The following CD55 variants were observed in gnomAD, a reference collection of about 807,000 sequenced individuals.
CD55 encodes complement decay-accelerating factor.
In CD55, 41 loss-of-function variants were observed where a neutral mutation model predicts 45.8. The observed-to-expected ratio is 0.90, with a 90% CI of 0.70 to 1.16. The LOEUF is 1.16. CD55 is among the 50% of genes most tolerant of loss of function. The pLI, the probability that CD55 is intolerant of heterozygous loss-of-function variation, is 0.00. For synonymous variants in CD55, 181 were observed against 181.1 expected, an observed-to-expected ratio of 1.00 and a Z score of 0.01; for missense variants, 416 against 469.8, an observed-to-expected ratio of 0.89 and a Z score of 1.06.
At chr1:207,335,991 G>A (rs2102405535) in intron 6 of CD55, among the ~76,000 whole-genome samples, 1 of 152,272 alleles carries the variant, frequency 6.6e-6, no homozygotes, top group Middle Eastern at 3.4e-3. Context: ...TCAGGCTTCG[G>A]CACTACCCAA....
chr1:207,349,724 G>A (rs982851517), intron 9 of CD55, among the ~76,000 whole-genome samples: 5 of 152,252 alleles, frequency 3.3e-5, no homozygotes, highest in Admixed American at 1.3e-4. Flanking sequence ...TTTGTACCCC[G>A]AAGCTTTACT....
chr1:207,346,870 A>T (rs1558155340), intron 9 of CD55, among the ~76,000 whole-genome samples: 1 of 152,094 alleles, frequency 6.6e-6, no homozygotes. Flanking sequence ...CCTATGTTAG[A>T]TCTAGAGCCT....
At chr1:207,341,545 A>T (rs892603394) in intron 9 of CD55, among the ~76,000 whole-genome samples, 43 of 152,282 alleles carry the variant, frequency 2.8e-4, no homozygotes, top group African/African-American at 9.9e-4. Flanking sequence ...GCACCTTTGT[A>T]AAAAAATCAG....
intron 8 of CD55, among the ~76,000 whole-genome samples, chr1:207,338,745 A>G (rs1041959079): frequency 2.6e-5 from 4 of 152,100 alleles, no homozygotes; most frequent in African/African-American, 7.2e-5. Flanking sequence ...GATTTTATAG[A>G]TGAGGAATTA....
chr1:207,341,053 G>A (rs1373977062), intron 9 of CD55, among the ~76,000 whole-genome samples: 1 of 152,132 alleles, frequency 6.6e-6, no homozygotes, highest in Non-Finnish European at 1.5e-5. Flanking sequence ...TTAGTGATGA[G>A]CAGTTTTTCA....
At chr1:207,336,988 A>G (rs1655205723) in intron 7 of CD55, 170 bp downstream of exon 7, 2 of 734,312 alleles carry the variant, frequency 2.7e-6, no homozygotes, top group Non-Finnish European at 4.5e-6. Context: ...GAGTCTCATC[A>G]ACACCTCAAA....
At chr1:207,341,134 T>G (rs1483012407) in intron 9 of CD55, among the ~76,000 whole-genome samples, 2 of 152,216 alleles carry the variant, frequency 1.3e-5, no homozygotes, top group Admixed American at 1.3e-4. Flanking sequence ...TTTTCGCTAG[T>G]AAGTTGAGTT....
In CD55 at chr1:207,321,716, G is replaced by A; in HGVS notation, c.-50G>A. On this transcript the variant is annotated 5_prime_UTR_variant, in exon 1 of 10. Transcript: ENST00000367064. ...CTCGCTCCGGCCGCTGGGCGTAGCT[G>A]CGACTCGGCGGAGTCCCGGCGGCGC... The A allele has an allele frequency of 7.3e-7, 1 of 1,371,278 alleles. No individual in the cohort carries two copies. Among genetic ancestry groups the A allele is most frequent in the Non-Finnish European group, 9.7e-7 (1 of 1,030,658 alleles). 84.9% of individuals were successfully genotyped at this position (1,371,278 alleles called of 1,614,324 possible).
chr1:207,328,473 T>A (rs892360689), intron 5 of CD55, among the ~76,000 whole-genome samples: 3 of 152,212 alleles, frequency 2.0e-5, no homozygotes, highest in African/African-American at 7.2e-5. Context: ...TGCTTCAGTG[T>A]CCATGCGTGA....
chr1:207,332,432 C>T (rs966080331), intron 6 of CD55, among the ~76,000 whole-genome samples: 25 of 152,250 alleles, frequency 1.6e-4, no homozygotes, highest in African/African-American at 5.5e-4. Flanking sequence ...ATGTGAATTA[C>T]ATTTTTCATG....
At chr1:207,354,070 G>A in intron 9 of CD55, 7 of 1,534,528 alleles carry the variant, frequency 4.6e-6, no homozygotes, top group East Asian at 2.4e-5. Flanking sequence ...AAGATGATGT[G>A]CATCCTCTAG....
chr1:207,345,192 T>G (rs1050047626), intron 9 of CD55, among the ~76,000 whole-genome samples: 1 of 152,154 alleles, frequency 6.6e-6, no homozygotes, highest in Non-Finnish European at 1.5e-5. Context: ...AGTTGGCCAC[T>G]TTAGGGTGTC....
At chr1:207,335,379 C>T (rs1437445136) in intron 6 of CD55, among the ~76,000 whole-genome samples, 2 of 152,042 alleles carry the variant, frequency 1.3e-5, no homozygotes, top group African/African-American at 4.8e-5. Flanking sequence ...CTCTAAGCTA[C>T]AATACATTGC....
At chr1:207,337,731 A>G (rs1028983554) in intron 8 of CD55, 3 of 216,242 alleles carry the variant, frequency 1.4e-5, no homozygotes, top group Non-Finnish European at 1.8e-5. Context: ...CCTTCAAAGA[A>G]CCAAATATGT....
chr1:207,356,994 T>G (rs1656101875), intron 9 of CD55, among the ~76,000 whole-genome samples: 1 of 152,212 alleles, frequency 6.6e-6, no homozygotes, highest in African/African-American at 2.4e-5. Context: ...AGAAAACTAT[T>G]AATTTAATGC....
At chr1:207,350,411 T>C (rs1055153647) in intron 9 of CD55, among the ~76,000 whole-genome samples, 1 of 152,212 alleles carries the variant, frequency 6.6e-6, no homozygotes, top group Non-Finnish European at 1.5e-5. Context: ...ATTTTTGGCA[T>C]AGTTTCAGTA....
intron 9 of CD55, among the ~76,000 whole-genome samples, chr1:207,353,385 T>C (rs539444710): frequency 1.3e-5 from 2 of 152,318 alleles, no homozygotes; most frequent in East Asian, 3.9e-4. Flanking sequence ...CAGTGAAATA[T>C]AGAAAATATT....
intron 3 of CD55, among the ~76,000 whole-genome samples, 169 bp from the exon 4 acceptor site, chr1:207,325,453 C>T (rs1260591067): frequency 2.0e-5 from 3 of 151,628 alleles, no homozygotes; most frequent in Non-Finnish European, 4.4e-5. Flanking sequence ...GAGGTATAAT[C>T]GACAAATATT....
intron 6 of CD55, among the ~76,000 whole-genome samples, chr1:207,332,719 A>AACT (rs1321601788): frequency 6.6e-6 from 1 of 152,202 alleles, no homozygotes; most frequent in African/African-American, 2.4e-5. Context: ...GTACCCAAGT[A>AACT]GGTCATGGCA....
Sources: allele counts gnomAD v4.1 joint callset (sites outside exome capture counted in the v4.1 genomes callset), GRCh38; gene constraint gnomAD v4.1.1; transcripts MANE v1.5; gene names NCBI Gene and HGNC (gene_info 2026-07-23, HGNC 2026-07-21).